Variants in STOX2 observed in about 807,000 individuals in gnomAD.
STOX2 encodes the protein storkhead-box protein 2.
In STOX2, 28 loss-of-function variants were observed where a neutral mutation model predicts 60.9. That is an observed-to-expected ratio of 0.46 (90% CI 0.34 to 0.63). The LOEUF is 0.63. Ranked by LOEUF, STOX2 falls within the 30% of genes least tolerant of loss-of-function variation. The probability of loss-of-function intolerance (pLI) is 0.01; values close to 1 mark genes in which losing one functional copy is unlikely to be tolerated. For synonymous variants in STOX2, 472 were observed against 463.9 expected (o/e 1.02, Z -0.22); for missense variants, 1,024 against 1,187.7 (o/e 0.86, Z 2.03).
At chr4:183,896,645 T>C (rs1036591259) in intron 1 of STOX2, among the ~76,000 whole-genome samples, 1 of 152,212 alleles carries the variant, frequency 6.6e-6, no homozygotes, top group Non-Finnish European at 1.5e-5. Context: ...CAGTCCCGTC[T>C]TTTCCTTTTA....
chr4:184,018,849 A>G lies in STOX2; in HGVS notation c.*1565A>G, dbSNP rs1734474133. On this transcript the variant is annotated 3_prime_UTR_variant, in exon 4 of 4. Coordinates refer to ENST00000308497, the MANE Select transcript of STOX2 (RefSeq NM_020225.3). ...ATTATTTGCAAAAGGGTTACATATG[A>G]CACAAGTAAGTGTTCTGACATAAAG... is the stretch of plus-strand genomic sequence containing the variant. 2 of 152,232 alleles carry G rather than the reference A, an allele frequency of 1.3e-5. No individual in the cohort carries two copies. Among genetic ancestry groups the G allele is most frequent in the South Asian group, 4.1e-4 (2 of 4,832 alleles). 9.4% of individuals were successfully genotyped at this position (152,232 alleles called of 1,614,324 possible).
intron 1 of STOX2, among the ~76,000 whole-genome samples, chr4:183,889,027 C>T (rs1741146842): frequency 6.6e-6 from 1 of 151,576 alleles, no homozygotes; most frequent in Admixed American, 6.6e-5. Context: ...ATTGGACCGT[C>T]TTTTGCTTGG....
intron 2 of STOX2, among the ~76,000 whole-genome samples, chr4:184,005,352 C>T (rs1022556194): frequency 2.2e-5 from 3 of 134,954 alleles, no homozygotes; most frequent in Non-Finnish European, 3.2e-5. Context: ...CCCAGCTACT[C>T]GGTGGCTGAG....
At chr4:183,839,929 TA>T (rs1209891801) in intron 1 of STOX2, among the ~76,000 whole-genome samples, 1 of 152,214 alleles carries the variant, frequency 6.6e-6, no homozygotes, top group Non-Finnish European at 1.5e-5. Context: ...GCCAACGCTC[TA>T]AGGGTTTTGT....
intron 1 of STOX2, among the ~76,000 whole-genome samples, chr4:183,837,699 T>A (rs1739750191): frequency 6.6e-6 from 1 of 152,140 alleles, no homozygotes; most frequent in African/African-American, 2.4e-5. Flanking sequence ...CCTCAAGTGA[T>A]CCCCCTGCCT....
intron 1 of STOX2, among the ~76,000 whole-genome samples, chr4:183,947,506 T>C (rs1186933329): frequency 6.6e-6 from 1 of 152,214 alleles, no homozygotes; most frequent in Non-Finnish European, 1.5e-5. Context: ...ACTTTTCCAC[T>C]AGCTATATAC....
At chr4:183,970,412 G>T (rs761990246) in intron 1 of STOX2, among the ~76,000 whole-genome samples, 1 of 152,056 alleles carries the variant, frequency 6.6e-6, no homozygotes, top group Admixed American at 6.6e-5. Flanking sequence ...GTTGGGTTGG[G>T]TGCTCCTCAG....
intron 1 of STOX2, among the ~76,000 whole-genome samples, chr4:183,815,474 T>A (rs1197439021): frequency 6.6e-6 from 1 of 152,034 alleles, no homozygotes; most frequent in Non-Finnish European, 1.5e-5. Flanking sequence ...CTATAGATTT[T>A]TAATAAATGA....
intron 1 of STOX2, among the ~76,000 whole-genome samples, chr4:183,996,183 A>G (rs909259448): frequency 1.3e-5 from 2 of 152,234 alleles, no homozygotes; most frequent in Non-Finnish European, 2.9e-5. Context: ...AGATTTGACA[A>G]AAGTCCTCTG....
intron 1 of STOX2, among the ~76,000 whole-genome samples, chr4:183,955,147 A>G (rs939477704): frequency 1.3e-5 from 2 of 152,204 alleles, no homozygotes; most frequent in Non-Finnish European, 2.9e-5. Flanking sequence ...TCTTCCTGGT[A>G]GCCTAAGGGA....
intron 1 of STOX2, among the ~76,000 whole-genome samples, chr4:183,800,591 T>C (rs2111089928): frequency 6.6e-6 from 1 of 152,330 alleles, no homozygotes; most frequent in South Asian, 2.1e-4. Context: ...GCCAGACACA[T>C]AGATGAGCTT....
chr4:183,989,975 AC>A (rs1333798493), intron 1 of STOX2, among the ~76,000 whole-genome samples: 2 of 152,058 alleles, frequency 1.3e-5, no homozygotes, highest in East Asian at 3.9e-4. Flanking sequence ...GATGTTCAAG[AC>A]CCCTTGAACA....
Position 184,023,318 on chromosome 4 carries a change from G to A in STOX2, c.*6034G>A, listed in dbSNP as rs543526398. 1.3e-5 allele frequency: 2 copies of A among 152,108 alleles called. No homozygotes were observed. The highest frequency in any genetic ancestry group is 2.1e-4 in the South Asian group (1 of 4,808). 9.4% of individuals were successfully genotyped at this position (152,108 alleles called of 1,614,324 possible). A position where few individuals can be genotyped will look rare whatever the true frequency, so the allele number is the denominator to read the frequency against. ...GCACATTTGTAACATGGTTTTTATC[G>A]TGTCAGTGTACCATACTGTAAATGA... On this transcript the variant is annotated 3_prime_UTR_variant, in exon 4 of 4. Coordinates refer to ENST00000308497, the MANE Select transcript of STOX2 (RefSeq NM_020225.3).
chr4:183,828,312 C>A (rs1251591942), intron 1 of STOX2, among the ~76,000 whole-genome samples: 1 of 152,046 alleles, frequency 6.6e-6, no homozygotes, highest in African/African-American at 2.4e-5. Flanking sequence ...AGTGACACAG[C>A]GGTAGAGTCT....
chr4:183,990,621 TAGAG>T (rs1464039745), intron 1 of STOX2, among the ~76,000 whole-genome samples: 2 of 127,288 alleles, frequency 1.6e-5, no homozygotes, highest in Non-Finnish European at 3.2e-5. Context: ...TTTTTGGTCA[TAGAG>T]AGTTAGAATG....
intron 3 of STOX2, chr4:184,014,872 G>A (rs914622692): frequency 1.3e-5 from 2 of 152,134 alleles, no homozygotes; most frequent in African/African-American, 2.4e-5. Context: ...TGTTTACGGT[G>A]CCTGGTATAC....
At chr4:183,828,309 C>A (rs1321017891) in intron 1 of STOX2, among the ~76,000 whole-genome samples, 3 of 152,106 alleles carry the variant, frequency 2.0e-5, no homozygotes, top group African/African-American at 7.2e-5. Flanking sequence ...GTGAGTGACA[C>A]AGCGGTAGAG....
At chr4:183,801,511 G>C (rs1738761990) in intron 1 of STOX2, among the ~76,000 whole-genome samples, 1 of 152,218 alleles carries the variant, frequency 6.6e-6, no homozygotes, top group Non-Finnish European at 1.5e-5. Context: ...TGTGCTAAAT[G>C]CTTTGAGGAC....
At chr4:183,840,803 T>C (rs1739839695) in intron 1 of STOX2, among the ~76,000 whole-genome samples, 1 of 152,224 alleles carries the variant, frequency 6.6e-6, no homozygotes, top group African/African-American at 2.4e-5. Context: ...AGTTCAGTGA[T>C]GTGGTTAGTG....
Sources: allele counts gnomAD v4.1 joint callset (sites outside exome capture counted in the v4.1 genomes callset), GRCh38; gene constraint gnomAD v4.1.1; transcripts MANE v1.5; gene names NCBI Gene and HGNC (gene_info 2026-07-23, HGNC 2026-07-21).